TAF1B: variants seen among roughly 807,000 people sequenced by gnomAD.
The protein encoded by TAF1B is TATA-box binding protein associated factor, RNA polymerase I subunit B, also known as TATA box-binding protein-associated factor RNA polymerase I subunit B.
A neutral mutation model predicts 83.9 loss-of-function variants in TAF1B; 61 were observed. That is an observed-to-expected ratio of 0.73 (90% confidence interval 0.59 to 0.90). The LOEUF is 0.90. Among genes scored for constraint, TAF1B ranks in the 40% least tolerant of loss-of-function variants. The probability of loss-of-function intolerance (pLI) is 0.00; values close to 1 mark genes in which losing one functional copy is unlikely to be tolerated. For synonymous variants in TAF1B, 221 were observed against 224.6 expected, an observed-to-expected ratio of 0.98 and a Z score of 0.14; for missense variants, 625 against 677.0, an observed-to-expected ratio of 0.92 and a Z score of 0.85.
At chr2:9,871,348 C>T (rs1205023287) in intron 6 of TAF1B, among the ~76,000 whole-genome samples, 1 of 152,166 alleles carries the variant, frequency 6.6e-6, no homozygotes, top group Admixed American at 6.5e-5. Flanking sequence ...TCCCAAAGTG[C>T]TGGGATTGTA....
Position 9,916,837 on chromosome 2 carries a change from C to CTTTTTTTT in TAF1B, c.1272-2193_1272-2186dup, listed in dbSNP as rs371475463. On this transcript the variant is annotated intron_variant, in intron 12 of 14. Transcript: ENST00000263663. ...TGATTAGAAAAATTTCCTTTCTGTT[C>CTTTTTTTT]TTTTTTTTTTTTTTTTTTGAGATGG... is the stretch of plus-strand genomic sequence containing the variant. Among the ~76,000 whole-genome samples, 650 of 95,582 alleles carry CTTTTTTTT rather than the reference C, an allele frequency of 6.8e-3. 10 individuals carry two copies. The highest frequency in any genetic ancestry group is 0.014 in the African/African-American group (431 of 30,272). The allele number at this position is 95,582 out of a possible 152,430, so 62.7% of individuals were successfully genotyped here. A position where few individuals can be genotyped will look rare whatever the true frequency, so the allele number is the denominator to read the frequency against.
chr2:9,915,512 T>C (rs1205975828), intron 12 of TAF1B, among the ~76,000 whole-genome samples: 2 of 152,154 alleles, frequency 1.3e-5, no homozygotes, highest in African/African-American at 4.8e-5. Flanking sequence ...AAAGATGATA[T>C]CAAGATGGCA....
intron 14 of TAF1B, among the ~76,000 whole-genome samples, chr2:9,926,212 A>G (rs536306109): frequency 1.3e-5 from 2 of 152,350 alleles, no homozygotes; most frequent in South Asian, 4.1e-4. Context: ...GATATAAAAA[A>G]TTAAGTCATT....
intron 3 of TAF1B, 63 bp from the exon 4 acceptor site, chr2:9,851,478 G>A (rs1413955775): frequency 3.2e-6 from 4 of 1,258,694 alleles, no homozygotes; most frequent in Admixed American, 2.3e-5. Context: ...AATTGTAACT[G>A]TAGTAGCATT....
intron 8 of TAF1B, among the ~76,000 whole-genome samples, chr2:9,901,429 A>G (rs563131016): frequency 2.6e-5 from 4 of 152,296 alleles, no homozygotes; most frequent in African/African-American, 7.2e-5. Context: ...GTTGACTTTC[A>G]TGTATCAGCT....
At chr2:9,868,973 G>A (rs893261717) in intron 6 of TAF1B, among the ~76,000 whole-genome samples, 4 of 152,154 alleles carry the variant, frequency 2.6e-5, no homozygotes, top group Non-Finnish European at 5.9e-5. Flanking sequence ...TTCCTGGACT[G>A]CACAGTGACA....
chr2:9,853,456 T>G (rs895696574), intron 4 of TAF1B, among the ~76,000 whole-genome samples: 4 of 151,898 alleles, frequency 2.6e-5, no homozygotes, highest in African/African-American at 7.3e-5. Context: ...AATGGAAAAG[T>G]CTTTCTGTTT....
chr2:9,930,307 G>A, intron 14 of TAF1B, among the ~76,000 whole-genome samples: 1 of 151,948 alleles, frequency 6.6e-6, no homozygotes, highest in Non-Finnish European at 1.5e-5. Flanking sequence ...TTCTCTTGTG[G>A]GCATTTAGTG....
At chr2:9,843,880 A>C in intron 1 of TAF1B, 3 of 186,068 alleles carry the variant, frequency 1.6e-5, no homozygotes, top group East Asian at 1.3e-4. Context: ...TCGAGACTGG[A>C]CCACCCACAA....
intron 4 of TAF1B, among the ~76,000 whole-genome samples, chr2:9,852,912 A>G (rs998883612): frequency 7.2e-5 from 11 of 152,202 alleles, no homozygotes; most frequent in African/African-American, 2.7e-4. Context: ...GCAAGTCCAA[A>G]CAGAACAACC....
chr2:9,903,795 C>T (rs1665261382), intron 8 of TAF1B, among the ~76,000 whole-genome samples: 1 of 152,138 alleles, frequency 6.6e-6, no homozygotes, highest in Non-Finnish European at 1.5e-5. Context: ...CATTATAACT[C>T]TGATTGGGTT....
At chr2:9,930,322 A>G (rs1666173201) in intron 14 of TAF1B, among the ~76,000 whole-genome samples, 1 of 152,156 alleles carries the variant, frequency 6.6e-6, no homozygotes, top group Non-Finnish European at 1.5e-5. Context: ...TTAGTGCTAT[A>G]AACTTCCCTC....
chr2:9,853,016 C>T (rs780334121), intron 4 of TAF1B, among the ~76,000 whole-genome samples: 4 of 152,242 alleles, frequency 2.6e-5, no homozygotes, highest in Middle Eastern at 6.8e-3. Context: ...AGAGGCTAAC[C>T]CATAATAGTC....
At position 9,903,172 on chromosome 2, in the gene TAF1B, G is replaced by A. The variant is rs530571515; in HGVS notation, c.808-1687G>A. Among the ~76,000 whole-genome samples, 3 of 152,208 alleles carry A rather than the reference G, an allele frequency of 2.0e-5. No homozygotes were observed. In the South Asian group the frequency reaches 6.2e-4, roughly 32 times the overall value. ...GCAGTCTCGGCTCACTGTAAGCTCC[G>A]CCTCCTGGGTTCACGCCATTCTCCT... On this transcript the variant is annotated intron_variant, in intron 8 of 14. Coordinates refer to ENST00000263663, the MANE Select transcript of TAF1B (RefSeq NM_005680.3).
intron 14 of TAF1B, among the ~76,000 whole-genome samples, chr2:9,922,175 C>T (rs912504204): frequency 1.2e-4 from 18 of 152,322 alleles, no homozygotes; most frequent in Non-Finnish European, 2.4e-4. Context: ...GAAGGTTACT[C>T]ACTTCTCTAC....
At chr2:9,925,501 G>A (rs1368215407) in intron 14 of TAF1B, among the ~76,000 whole-genome samples, 4 of 152,122 alleles carry the variant, frequency 2.6e-5, no homozygotes, top group Admixed American at 2.6e-4. Flanking sequence ...AGAACCAAGA[G>A]TAGTTACCCA....
chr2:9,868,694 G>A (rs750618316), intron 6 of TAF1B: 27 of 593,872 alleles, frequency 4.5e-5, no homozygotes, highest in Admixed American at 8.7e-5. Flanking sequence ...CCAGAAAGAA[G>A]GAGGCTGCTT....
intron 7 of TAF1B, among the ~76,000 whole-genome samples, chr2:9,881,559 T>G (rs1004436874): frequency 6.6e-6 from 1 of 152,146 alleles, no homozygotes; most frequent in Non-Finnish European, 1.5e-5. Context: ...TTTTTCTCCT[T>G]AACATTTCAC....
At chr2:9,862,344 C>T (rs748662652) in intron 5 of TAF1B, among the ~76,000 whole-genome samples, 7 of 151,942 alleles carry the variant, frequency 4.6e-5, no homozygotes, top group Admixed American at 2.0e-4. Context: ...AAAGTGTATC[C>T]ATGATGGAAG....
Sources: allele counts gnomAD v4.1 joint callset (sites outside exome capture counted in the v4.1 genomes callset), GRCh38; gene constraint gnomAD v4.1.1; transcripts MANE v1.5; gene names NCBI Gene and HGNC (gene_info 2026-07-23, HGNC 2026-07-21).